Variants in RHBDD1 observed in about 807,000 individuals in gnomAD.
The protein encoded by RHBDD1 is rhomboid domain containing 1, also known as rhomboid-related protein 4.
A neutral mutation model predicts 36.3 loss-of-function variants in RHBDD1; 38 were observed. The observed-to-expected ratio is 1.05, with a 90% CI of 0.81 to 1.37. RHBDD1 has a LOEUF of 1.37. Ranked by LOEUF, RHBDD1 falls within the 40% of genes most tolerant of loss-of-function variation. The pLI, the probability that RHBDD1 is intolerant of heterozygous loss-of-function variation, is 0.00. For missense variants in RHBDD1, 393 were observed against 377.6 expected (o/e 1.04, Z -0.34); for synonymous variants, 151 against 136.5 (o/e 1.11, Z -0.74).
At chr2:226,947,054 A>G (rs1054873253) in intron 8 of RHBDD1, among the ~76,000 whole-genome samples, 9 of 152,260 alleles carry the variant, frequency 5.9e-5, no homozygotes, top group East Asian at 1.9e-4. Context: ...TAAACTAGGT[A>G]TTGTTCACTC....
chr2:226,941,362 A>G (rs918174450), intron 8 of RHBDD1, among the ~76,000 whole-genome samples: 31 of 152,196 alleles, frequency 2.0e-4, no homozygotes, highest in African/African-American at 7.0e-4. Context: ...TTGACTGCAA[A>G]TGGACTCTCA....
intron 8 of RHBDD1, among the ~76,000 whole-genome samples, chr2:226,923,196 G>A (rs1334619116): frequency 6.6e-6 from 1 of 152,142 alleles, no homozygotes; most frequent in African/African-American, 2.4e-5. Flanking sequence ...AGCATTTCTT[G>A]TAGGACATGT....
At chr2:226,975,233 G>C (rs1329257950) in intron 8 of RHBDD1, among the ~76,000 whole-genome samples, 1 of 152,098 alleles carries the variant, frequency 6.6e-6, no homozygotes, top group African/African-American at 2.4e-5. Flanking sequence ...AGGTGGAATC[G>C]ATGCCCCTGA....
At chr2:226,876,777 T>TA (rs890649738) in intron 5 of RHBDD1, among the ~76,000 whole-genome samples, 5 of 151,966 alleles carry the variant, frequency 3.3e-5, no homozygotes, top group African/African-American at 9.7e-5. Context: ...AACTAAGAAT[T>TA]AAAAAAAATT....
At chr2:226,870,433 C>T (rs1944703254) in intron 5 of RHBDD1, among the ~76,000 whole-genome samples, 2 of 152,166 alleles carry the variant, frequency 1.3e-5, no homozygotes, top group Admixed American at 6.5e-5. Context: ...CCACTCCCTA[C>T]TTCCCTTTGC....
At chr2:226,833,210 A>T (rs911984719), upstream of RHBDD1, among the ~76,000 whole-genome samples, 2 of 152,240 alleles carry the variant, frequency 1.3e-5, no homozygotes, top group Non-Finnish European at 2.9e-5. Flanking sequence ...GCTATAAATT[A>T]TCTTATCAGT....
chr2:226,821,264 T>A, the RHBDD1 span, among the ~76,000 whole-genome samples: 1 of 152,140 alleles, frequency 6.6e-6, no homozygotes, highest in Non-Finnish European at 1.5e-5. Context: ...GAAGCTTGGG[T>A]TTATCTGATT....
rs540791745 is a variant in RHBDD1 at position 226,939,256 on chromosome 2, A to T, written c.856+24905A>T. 1.0e-3 allele frequency among the ~76,000 whole-genome samples: 158 copies of T among 152,294 alleles called. 1 individual carries two copies. Among genetic ancestry groups the T allele is most frequent in the Non-Finnish European group, 2.0e-3 (136 of 68,014 alleles). ...CCCTCTCTCACCACTCCTATTCAAC[A>T]TAGTATTGGAAGTTCCGGCCAGGGC... is the stretch of plus-strand genomic sequence containing the variant. On this transcript the variant is annotated intron_variant, in intron 8 of 8. Transcript: ENST00000392062.
intron 8 of RHBDD1, among the ~76,000 whole-genome samples, chr2:226,965,735 C>T (rs1230222065): frequency 6.6e-6 from 1 of 152,014 alleles, no homozygotes; most frequent in Non-Finnish European, 1.5e-5. Flanking sequence ...CTCCATGTGC[C>T]ATCATCCTGG....
the RHBDD1 span, among the ~76,000 whole-genome samples, chr2:226,829,022 T>C: frequency 6.6e-6 from 1 of 152,188 alleles, no homozygotes; most frequent in Non-Finnish European, 1.5e-5. Context: ...TTTTATAGTT[T>C]TAGCTGTTAC....
chr2:226,893,204 C>T (rs1469573637), intron 5 of RHBDD1, among the ~76,000 whole-genome samples: 1 of 152,198 alleles, frequency 6.6e-6, no homozygotes, highest in Non-Finnish European at 1.5e-5. Context: ...TGTGAAAATA[C>T]CTCCAAAAGA....
intron 8 of RHBDD1, among the ~76,000 whole-genome samples, chr2:226,948,556 T>C (rs10188166): frequency 0.56 from 62,765 of 111,914 alleles, 15,586 homozygotes; most frequent in African/African-American, 0.63. Flanking sequence ...ACCCTAAAAC[T>C]TAAAGTATAA....
intron 5 of RHBDD1, among the ~76,000 whole-genome samples, chr2:226,872,056 G>T (rs542964898): frequency 5.9e-5 from 9 of 152,272 alleles, no homozygotes; most frequent in African/African-American, 2.2e-4. Context: ...CATTGGTTAT[G>T]CCTTTTATAT....
chr2:226,985,172 A>G (rs956508824), intron 8 of RHBDD1, among the ~76,000 whole-genome samples: 6 of 152,208 alleles, frequency 3.9e-5, no homozygotes, highest in Non-Finnish European at 8.8e-5. Flanking sequence ...AGCACTCACT[A>G]ACACGAGGCA....
In RHBDD1 at chr2:226,843,588, G is replaced by T. The variant is rs13422927; in HGVS notation, c.-91+3961G>T. Among the ~76,000 whole-genome samples, 747 of 152,244 alleles carry T rather than the reference G, an allele frequency of 4.9e-3. 7 individuals are homozygous for T. The highest frequency in any genetic ancestry group is 0.017 in the African/African-American group (718 of 41,546). Reference sequence around the variant, plus strand: ...GAATCACATTTATTAATTTGTATATGTTGAACCAACCTGGCACCCCGGGAT... The same window carrying T: ...GAATCACATTTATTAATTTGTATATTTTGAACCAACCTGGCACCCCGGGAT... On this transcript the variant is annotated intron_variant, in intron 3 of 8. Transcript: ENST00000392062.
At position 226,995,729 on chromosome 2, in the gene RHBDD1, T is replaced by G; in HGVS notation, c.*207T>G. On this transcript the variant is annotated 3_prime_UTR_variant, in exon 9 of 9. Transcript: ENST00000392062. ...GGAGTGGGCCTTCTCCTGGCCTTGT[T>G]CTTGCTCATAAACAGGTCACTTCCT... 3.4e-6 allele frequency: 2 copies of G among 585,148 alleles called. No homozygotes were observed. The allele number at this position is 585,148 out of a possible 1,614,324, so 36.2% of individuals were successfully genotyped here.
At chr2:226,987,782 C>CT (rs1957329124) in intron 8 of RHBDD1, among the ~76,000 whole-genome samples, 1 of 152,228 alleles carries the variant, frequency 6.6e-6, no homozygotes, top group South Asian at 2.1e-4. Flanking sequence ...GATATATTAT[C>CT]TGCAACAGAG....
chr2:226,859,701 G>A (rs1050176179), intron 3 of RHBDD1, among the ~76,000 whole-genome samples: 2 of 152,222 alleles, frequency 1.3e-5, no homozygotes, highest in Non-Finnish European at 2.9e-5. Flanking sequence ...CTGGAGCATA[G>A]TGACTGATGC....
chr2:226,996,565 T>C lies in RHBDD1; in HGVS notation c.*1043T>C, dbSNP rs1032276820. On this transcript the variant is annotated 3_prime_UTR_variant, in exon 9 of 9. Coordinates refer to ENST00000392062, the MANE Select transcript of RHBDD1 (RefSeq NM_001167608.3). ...TGTCTTACTGTCAACAGAGATATTT[T>C]AAAAGAGAGAAGCAGGAAAAGATCT... The C allele has an allele frequency of 6.6e-6, 1 of 152,220 alleles. No individual in the cohort carries two copies. The highest frequency in any genetic ancestry group is 1.5e-5 in the Non-Finnish European group (1 of 68,034). 9.4% of individuals were successfully genotyped at this position (152,220 alleles called of 1,614,324 possible). A position where few individuals can be genotyped will look rare whatever the true frequency, so the allele number is the denominator to read the frequency against.
Sources: gnomAD v4.1 joint callset for allele counts (sites outside exome capture counted in the v4.1 genomes callset) on GRCh38, gnomAD v4.1.1 for gene constraint, MANE v1.5 for transcripts, NCBI Gene and HGNC (gene_info 2026-07-23, HGNC 2026-07-21) for gene names.